Variants in PSD3 observed in about 807,000 individuals in gnomAD.
The protein encoded by PSD3 is pleckstrin and Sec7 domain containing 3, also known as PH and SEC7 domain-containing protein 3.
In PSD3, 49 loss-of-function variants were observed where a neutral mutation model predicts 105.5. The ratio of observed to expected loss-of-function variants is 0.46; its 90% CI spans 0.37 to 0.59. PSD3 has a LOEUF of 0.59. Ranked by LOEUF, PSD3 falls within the 20% of genes least tolerant of loss-of-function variation. The probability of loss-of-function intolerance (pLI) is 0.00; values close to 1 mark genes in which losing one functional copy is unlikely to be tolerated. For synonymous variants in PSD3, 557 were observed against 457.8 expected (o/e 1.22, Z -2.77); for missense variants, 1,561 against 1,263.8 (o/e 1.24, Z -3.57).
chr8:18,667,095 A>C (rs1414664756), intron 9 of PSD3, among the ~76,000 whole-genome samples: 3 of 152,090 alleles, frequency 2.0e-5, no homozygotes, highest in Non-Finnish European at 4.4e-5. Context: ...CAGCTCATAA[A>C]GGCAGTGTGG....
chr8:18,632,624 T>C lies in PSD3; in HGVS notation c.2399A>G (p.Asp800Gly). ...CGCATGATACTTACTCTTCTTTCCA[T>C]CCATATCTGCATGAATTTTCCGAGC... ...FLARKIHADM[D>G]GKKTPRGKRG... The change falls in exon 11 of 16, where the codon GAT (aspartate) becomes GGT (glycine). Residue 800 changes from aspartate to glycine, a missense_variant. By Grantham distance (94) the Asp-to-Gly change is moderately conservative. Transcript: ENST00000327040. The C allele has an allele frequency of 6.2e-7, 1 of 1,611,590 alleles. No homozygotes were observed. Among genetic ancestry groups the C allele is most frequent in the Non-Finnish European group, 8.5e-7 (1 of 1,178,498 alleles).
In PSD3 at chr8:18,804,884, T is replaced by G. The variant is rs747771045; in HGVS notation, c.1649A>C (p.Lys550Thr). ...AGAATGAGCTTCTAGCCGTGTTGTT[T>G]TCACCCCAGCATTGCTATGATAATT... ...IAFWGSNAGV[K>T]TTRLEAHSEM... is the part of the protein sequence containing the mutation. Residue 550 changes from lysine (K) to threonine (T), a missense_variant, in exon 5 of 16, where the codon AAA becomes ACA. Physicochemically the swap from Lys to Thr is moderately conservative, Grantham distance 78 (BLOSUM62 -1). Transcript: ENST00000327040. 1.9e-6 allele frequency: 3 copies of G among 1,610,424 alleles called. No homozygotes were observed.
chr8:18,677,999 G>C (rs1253605856), intron 9 of PSD3, among the ~76,000 whole-genome samples: 1 of 114,402 alleles, frequency 8.7e-6, no homozygotes, highest in Non-Finnish European at 1.7e-5. Context: ...AGCAGAGCGA[G>C]ACTCTGTCTC....
chr8:18,944,677 G>T (rs1448478592), intron 1 of PSD3, among the ~76,000 whole-genome samples: 2 of 152,064 alleles, frequency 1.3e-5, no homozygotes, highest in Non-Finnish European at 2.9e-5. Context: ...GCTGTGGAAA[G>T]GCACTTAGGA....
chr8:18,805,059 T>A (rs1244312065), intron 4 of PSD3, among the ~76,000 whole-genome samples, 161 bp from the exon 5 acceptor site: 1 of 152,224 alleles, frequency 6.6e-6, no homozygotes, highest in East Asian at 1.9e-4. Flanking sequence ...TACCATATTT[T>A]AAAGAACTAA....
intron 8 of PSD3, chr8:18,774,938 G>A (rs906015363): frequency 3.1e-5 from 14 of 455,950 alleles, no homozygotes; most frequent in Admixed American, 1.4e-4. Context: ...AGCCACCACC[G>A]CTGCCAAATG....
intron 1 of PSD3, among the ~76,000 whole-genome samples, chr8:19,083,538 T>C (rs183966261): frequency 1.1e-4 from 16 of 152,114 alleles, no homozygotes; most frequent in Admixed American, 2.6e-4. Context: ...GCACATCCAT[T>C]TGGTGGTGGT....
rs1473059635 is a variant in PSD3, at chr8:18,760,411, C to G, written c.2172+5038G>C. Among the ~76,000 whole-genome samples, 3 of 150,952 alleles carry G rather than the reference C, an allele frequency of 2.0e-5. No homozygotes were observed. The East Asian group carries it at 6.1e-4, about 31-fold the overall frequency. On this transcript the variant is annotated intron_variant, in intron 9 of 15. Transcript: ENST00000327040. Reference sequence around the variant, plus strand: ...CCCTTTGTTTAAATCCCCACCATCCCCAGACCCCTGGTAACCACCATTTAA... The same window carrying G: ...CCCTTTGTTTAAATCCCCACCATCCGCAGACCCCTGGTAACCACCATTTAA...
intron 4 of PSD3, among the ~76,000 whole-genome samples, chr8:18,835,798 CAA>C (rs1386596447): frequency 6.6e-6 from 1 of 152,096 alleles, no homozygotes; most frequent in Non-Finnish European, 1.5e-5. Context: ...CAGAAATGGC[CAA>C]AGAGGCCAAT....
chr8:18,730,897 T>C (rs1803697833), intron 9 of PSD3, among the ~76,000 whole-genome samples: 1 of 152,004 alleles, frequency 6.6e-6, no homozygotes, highest in Non-Finnish European at 1.5e-5. Flanking sequence ...GTTGGCAAGA[T>C]GGCTACCAAA....
intron 1 of PSD3, among the ~76,000 whole-genome samples, chr8:19,066,662 G>A (rs942729145): frequency 5.3e-5 from 8 of 152,144 alleles, no homozygotes; most frequent in Non-Finnish European, 8.8e-5. Context: ...TGAGCCTTGG[G>A]GATGTTTTTA....
At chr8:19,007,100 C>T (rs766424611) in intron 1 of PSD3, among the ~76,000 whole-genome samples, 6 of 151,904 alleles carry the variant, frequency 3.9e-5, no homozygotes, top group Non-Finnish European at 8.8e-5. Flanking sequence ...ACTAAAAATA[C>T]GAAACAGCCA....
chr8:18,623,616 C>A (rs1172298407), intron 11 of PSD3, among the ~76,000 whole-genome samples: 1 of 149,222 alleles, frequency 6.7e-6, no homozygotes, highest in East Asian at 2.0e-4. Context: ...TGTACTCCAG[C>A]CTGGGTTACT....
chr8:18,574,200 C>CT (rs1379743904), intron 13 of PSD3, among the ~76,000 whole-genome samples: 1 of 152,118 alleles, frequency 6.6e-6, no homozygotes, highest in Non-Finnish European at 1.5e-5. Flanking sequence ...ATCAATTACT[C>CT]TGAGAGAAAC....
chr8:18,948,566 C>G (rs1823005875), intron 1 of PSD3, among the ~76,000 whole-genome samples: 1 of 152,202 alleles, frequency 6.6e-6, no homozygotes, highest in South Asian at 2.1e-4. Context: ...GCAGAGACTA[C>G]AGGCTCACAC....
intron 1 of PSD3, among the ~76,000 whole-genome samples, chr8:19,076,512 G>C (rs186905469): frequency 2.6e-4 from 39 of 152,242 alleles, no homozygotes; most frequent in South Asian, 2.1e-4. Context: ...AGGGCAAATA[G>C]TCTGAAAGAC....
chr8:18,881,207 T>C (rs1346154339), intron 2 of PSD3, among the ~76,000 whole-genome samples: 1 of 152,182 alleles, frequency 6.6e-6, no homozygotes, highest in Non-Finnish European at 1.5e-5. Flanking sequence ...TTTGATTTAG[T>C]ATATTGAGAA....
At chr8:18,820,816 T>C (rs555073593) in intron 4 of PSD3, among the ~76,000 whole-genome samples, 1 of 152,234 alleles carries the variant, frequency 6.6e-6, no homozygotes, top group Admixed American at 6.5e-5. Context: ...CAGGCTGGAG[T>C]GCAGTGGCGG....
In PSD3 at chr8:18,540,644, G is replaced by A. The variant is rs549777526; in HGVS notation, c.2929-4686C>T. 3.9e-5 allele frequency among the ~76,000 whole-genome samples: 6 copies of A among 152,152 alleles called. 1 individual carries two copies. The East Asian group carries it at 1.2e-3, about 29-fold the overall frequency. The stretch of plus-strand genomic sequence containing the variant: ...TAGTCTGGACCGAGCTCATCACCTT[G>A]CGCCTGGGTTCCTCCCACAGTCGCC... On this transcript the variant is annotated intron_variant, in intron 15 of 15. Coordinates refer to ENST00000327040, the MANE Select transcript of PSD3 (RefSeq NM_015310.4).
Sources: gnomAD v4.1 joint callset for allele counts (sites outside exome capture counted in the v4.1 genomes callset) on GRCh38, gnomAD v4.1.1 for gene constraint, MANE v1.5 for transcripts, NCBI Gene and HGNC (gene_info 2026-07-23, HGNC 2026-07-21) for gene names.